Variants in ZNF699 observed in about 807,000 individuals in gnomAD.
The protein encoded by ZNF699 is zinc finger protein 699.
ZNF699 carries 18 observed loss-of-function variants against 22.5 expected under a neutral mutation model. That is an observed-to-expected ratio of 0.80 (90% CI 0.55 to 1.19). ZNF699 has a LOEUF of 1.19. ZNF699 is among the 50% of genes most tolerant of loss of function. The pLI, the probability that ZNF699 is intolerant of heterozygous loss-of-function variation, is 0.00. For missense variants in ZNF699, 670 were observed against 763.4 expected, an observed-to-expected ratio of 0.88 and a Z score of 1.44; for synonymous variants, 241 against 262.3, an observed-to-expected ratio of 0.92 and a Z score of 0.78.
chr19:9,297,514 A>C lies in ZNF699; in HGVS notation c.287-35T>G. 3 of 1,521,540 alleles carry C rather than the reference A, an allele frequency of 2.0e-6. No individual in the cohort carries two copies. The highest frequency in any genetic ancestry group is 2.6e-6 in the Non-Finnish European group (3 of 1,141,810). 94.3% of individuals were successfully genotyped at this position (1,521,540 alleles called of 1,614,324 possible). Reference sequence around the variant, plus strand: ...AAAAAAGTGAAAGCTTCCATGAGCCAAGGACTTTTAGCAGAGTGACTATTT... The same window carrying C: ...AAAAAAGTGAAAGCTTCCATGAGCCCAGGACTTTTAGCAGAGTGACTATTT... On this transcript the variant is annotated intron_variant, in intron 4 of 5. Transcript: ENST00000591998. This position sits in a 1 kb window ranked among gnomAD's most constrained non-coding sequence, Gnocchi z 4.3.
Position 9,297,926 on chromosome 19 carries a change from C to G in ZNF699, c.240G>C (p.Val80=), listed in dbSNP as rs1421653522. 6.2e-7 allele frequency: 1 copy of G among 1,613,776 alleles called. No homozygotes were observed. Among genetic ancestry groups the G allele is most frequent in the South Asian group, 1.1e-5 (1 of 91,068 alleles). ...QWEQEEDLQT[V]KRELIQGIFM... ...AGATGCCCTGGATAAGTTCTCTCTT[C>G]ACTGTCTGCAGGTCCTCCTCTTGTT... Residue 80 remains valine (V), a synonymous_variant, in exon 4 of 6, where the codon GTG becomes GTC. Transcript: ENST00000591998. The surrounding 1 kb of genome is among the most constrained non-coding windows in gnomAD (Gnocchi z 4.3).
At chr19:9,307,941 T>A (rs1233725391) in intron 1 of ZNF699, among the ~76,000 whole-genome samples, 2 of 146,028 alleles carry the variant, frequency 1.4e-5, no homozygotes, top group Admixed American at 1.4e-4. Context: ...AGCGAGACTC[T>A]GTCTCAAAAA....
At position 9,295,629 on chromosome 19, in the gene ZNF699, C is replaced by T; in HGVS notation, c.1775G>A (p.Cys592Tyr). The T allele has an allele frequency of 6.2e-7, 1 of 1,614,160 alleles. No individual in the cohort carries two copies. The change falls in exon 6 of 6, where the codon TGT (cysteine) becomes TAT (tyrosine). Residue 592 changes from cysteine to tyrosine, a missense_variant. By Grantham distance (194) the Cys-to-Tyr change is radical. Transcript: ENST00000591998. ...TGEKPFECLECGKAFSCPSSF... is the reference protein window; with the variant it reads ...TGEKPFECLEYGKAFSCPSSF... ...TGAGGGACAACTGAAAGCTTTTCCA[C>T]ATTCCAGACATTCAAAGGGTTTCTC...
chr19:9,302,620 G>A (rs2066312013), intron 2 of ZNF699, 116 bp from the exon 3 acceptor site: 2 of 1,118,400 alleles, frequency 1.8e-6, no homozygotes, highest in Non-Finnish European at 2.5e-6. Flanking sequence ...AAGTTCAGAA[G>A]ATCCCAGCAT....
In ZNF699 at chr19:9,297,027, A is replaced by C. The variant is rs2066289607; in HGVS notation, c.471-94T>G. 3.5e-6 allele frequency: 4 copies of C among 1,133,370 alleles called. No homozygotes were observed. The highest frequency in any genetic ancestry group is 4.9e-6 in the Non-Finnish European group (4 of 823,242). 70.2% of individuals were successfully genotyped at this position (1,133,370 alleles called of 1,614,324 possible). A position where few individuals can be genotyped will look rare whatever the true frequency, so the allele number is the denominator to read the frequency against. ...TGCCCTTCTGTCAAGTTTAAGCTGA[A>C]AGTTTTCACAGAGGGCTCTACGACA... On this transcript the variant is annotated intron_variant, in intron 5 of 5. Transcript: ENST00000591998. The surrounding 1 kb of genome is among the most constrained non-coding windows in gnomAD (Gnocchi z 4.3).
At chr19:9,301,798 G>A (rs2066308202) in intron 3 of ZNF699, among the ~76,000 whole-genome samples, 1 of 152,046 alleles carries the variant, frequency 6.6e-6, no homozygotes, top group Non-Finnish European at 1.5e-5. Context: ...GTGTCCTATA[G>A]TGATTGCTGA....
chr19:9,303,848 C>T (rs572166838), intron 2 of ZNF699, among the ~76,000 whole-genome samples: 5 of 150,168 alleles, frequency 3.3e-5, no homozygotes, highest in African/African-American at 1.2e-4. Context: ...GATGGGGTCT[C>T]GCTCTGTCGC....
chr19:9,297,449 G>A lies in ZNF699; in HGVS notation c.317C>T (p.Ser106Leu). Residue 106 changes from serine (S) to leucine (L), a missense_variant, in exon 5 of 6, where the codon TCA (serine) becomes TTA (leucine). Ser to Leu is a moderately radical substitution (Grantham distance 145). Coordinates refer to ENST00000591998, the MANE Select transcript of ZNF699 (RefSeq NM_198535.3). This position sits in a 1 kb window ranked among gnomAD's most constrained non-coding sequence, Gnocchi z 4.3. ...TCCACAAATATCTTGTGAAGCAACT[G>A]ATTCATTAGTTTTAAGTTGAGTCTC... ...GFETQLKTNE[S>L]VASQDICGEK... is the part of the protein sequence containing the mutation. 2 of 1,581,150 alleles carry A rather than the reference G, an allele frequency of 1.3e-6. No homozygotes were observed. Among genetic ancestry groups the A allele is most frequent in the Non-Finnish European group, 1.7e-6 (2 of 1,172,094 alleles).
chr19:9,303,113 T>G (rs2066314184), intron 2 of ZNF699, among the ~76,000 whole-genome samples: 1 of 152,210 alleles, frequency 6.6e-6, no homozygotes, highest in Non-Finnish European at 1.5e-5. Context: ...TCTTACATAG[T>G]CACTCAATAC....
chr19:9,292,514 C>T lies in ZNF699; in HGVS notation c.*2961G>A, dbSNP rs765937762. Among the ~76,000 whole-genome samples the T allele has an allele frequency of 1.3e-5, 2 of 152,144 alleles. No homozygotes were observed. Among genetic ancestry groups the T allele is most frequent in the Non-Finnish European group, 2.9e-5 (2 of 68,028 alleles). ...AACACTAATGCAGGAGGATGCACAGCCAAGACAGGGAGACAGAATTCAACT... is the reference window on the plus strand; with the variant it reads ...AACACTAATGCAGGAGGATGCACAGTCAAGACAGGGAGACAGAATTCAACT... On this transcript the variant is annotated 3_prime_UTR_variant, in exon 6 of 6. Coordinates refer to ENST00000591998, the MANE Select transcript of ZNF699 (RefSeq NM_198535.3).
chr19:9,298,901 A>G (rs1016983414), intron 3 of ZNF699, among the ~76,000 whole-genome samples: 4 of 152,254 alleles, frequency 2.6e-5, no homozygotes, highest in African/African-American at 7.2e-5. Flanking sequence ...GCTGACCTTG[A>G]CAAAATAGCA....
In ZNF699 at chr19:9,292,268, C is replaced by A. The variant is rs2066268065; in HGVS notation, c.*3207G>T. Among the ~76,000 whole-genome samples the A allele has an allele frequency of 1.3e-5, 2 of 152,192 alleles. No homozygotes were observed. The highest frequency in any genetic ancestry group is 4.8e-5 in the African/African-American group (2 of 41,456). Reference sequence around the variant, plus strand: ...CTCTAATCCAGTTTCTGGATAAGAACAGGCACTAACCCTAAACAAATGAGA... The same window carrying A: ...CTCTAATCCAGTTTCTGGATAAGAAAAGGCACTAACCCTAAACAAATGAGA... On this transcript the variant is annotated 3_prime_UTR_variant, in exon 6 of 6. Coordinates refer to ENST00000591998, the MANE Select transcript of ZNF699 (RefSeq NM_198535.3).
Position 9,296,046 on chromosome 19 carries a change from C to G in ZNF699, c.1358G>C (p.Gly453Ala). 1 of 1,614,120 alleles carries G rather than the reference C, an allele frequency of 6.2e-7. No individual in the cohort carries two copies. The highest frequency in any genetic ancestry group is 1.1e-5 in the South Asian group (1 of 91,080). The part of the protein sequence containing the change: ...REKPYECKEC[G>A]KAFSCPSSFR... ...GGACGAGGGACAACTAAAGGCCTTC[C>G]CACATTCCTTACATTCATAGGGTTT... Residue 453 changes from glycine to alanine, a missense_variant, in exon 6 of 6, where the codon GGG (glycine) becomes GCG (alanine). Gly to Ala is a moderately conservative substitution (Grantham distance 60). Transcript: ENST00000591998.
chr19:9,299,593 CA>C (rs2066299812), intron 3 of ZNF699, among the ~76,000 whole-genome samples: 2 of 152,222 alleles, frequency 1.3e-5, no homozygotes, highest in South Asian at 4.2e-4. Flanking sequence ...GCGTGCCCCC[CA>C]CACCCTGGCA....
At chr19:9,306,251 G>A (rs2066327425) in intron 1 of ZNF699, among the ~76,000 whole-genome samples, 1 of 152,032 alleles carries the variant, frequency 6.6e-6, no homozygotes, top group South Asian at 2.1e-4. Context: ...AATTAGCCAG[G>A]CGTGGTGGCG....
At position 9,294,962 on chromosome 19, in the gene ZNF699, G is replaced by A. The variant is rs2066279096; in HGVS notation, c.*513C>T. ...TTTTTGGTTTGTCAATATTATATTG[G>A]TTTGTCAATATTATAACGACTACCC... On this transcript the variant is annotated 3_prime_UTR_variant, in exon 6 of 6. Coordinates refer to ENST00000591998, the MANE Select transcript of ZNF699 (RefSeq NM_198535.3). The A allele has an allele frequency of 6.5e-6, 1 of 152,740 alleles. No individual in the cohort carries two copies. Among genetic ancestry groups the A allele is most frequent in the Non-Finnish European group, 1.5e-5 (1 of 68,542 alleles). The allele number at this position is 152,740 out of a possible 1,614,324, so 9.5% of individuals were successfully genotyped here. A position where few individuals can be genotyped will look rare whatever the true frequency, so the allele number is the denominator to read the frequency against.
Position 9,296,672 on chromosome 19 carries a change from G to A in ZNF699, c.732C>T (p.Thr244=), listed in dbSNP as rs2066288152. 1 of 1,606,778 alleles carries A rather than the reference G, an allele frequency of 6.2e-7. No homozygotes were observed. Among genetic ancestry groups the A allele is most frequent in the Admixed American group, 1.7e-5 (1 of 58,562 alleles). The stretch of plus-strand genomic sequence containing the variant: ...ATTCATAGGGCTTCTCTTCAGTGGG[G>A]GTTTTCATATGCTTCTTGAAACAAG... ...FLACFKKHMK[T]PTEEKPYECK... Residue 244 remains threonine, a synonymous_variant, in exon 6 of 6, where the codon ACC becomes ACT. Transcript: ENST00000591998.
chr19:9,299,749 T>C (rs574295748), intron 3 of ZNF699, among the ~76,000 whole-genome samples: 1 of 151,542 alleles, frequency 6.6e-6, no homozygotes, highest in East Asian at 1.9e-4. Flanking sequence ...AGAAAATATT[T>C]GCAAAAAACA....
chr19:9,295,995 G>A lies in ZNF699; in HGVS notation c.1409C>T (p.Thr470Ile), dbSNP rs749127457. Residue 470 changes from threonine (T) to isoleucine (I), a missense_variant, in exon 6 of 6, where the codon ACT becomes ATT. Physicochemically the swap from Thr to Ile is moderately conservative, Grantham distance 89. Coordinates refer to ENST00000591998, the MANE Select transcript of ZNF699 (RefSeq NM_198535.3). ...SSFRAHVRDH[T>I]GKIQYECKEC... is the part of the protein sequence containing the mutation. Reference sequence around the variant, plus strand: ...CTTACATTCATACTGTATCTTTCCAGTGTGATCTCTCACATGTGCTCTAAA... The same window carrying A: ...CTTACATTCATACTGTATCTTTCCAATGTGATCTCTCACATGTGCTCTAAA... The A allele has an allele frequency of 5.3e-5, 86 of 1,613,918 alleles. 1 individual carries two copies. In the Admixed American group the frequency reaches 1.4e-3, roughly 27 times the overall value.
Sources: allele counts gnomAD v4.1 joint callset (sites outside exome capture counted in the v4.1 genomes callset), GRCh38; gene constraint gnomAD v4.1.1; non-coding constraint Gnocchi (gnomAD v3.1); transcripts MANE v1.5; gene names NCBI Gene and HGNC (gene_info 2026-07-23, HGNC 2026-07-21).